The following DOK5 variants were observed in gnomAD, a reference collection of about 807,000 sequenced individuals.
DOK5 encodes the protein downstream of tyrosine kinase 5.
DOK5 carries 27 observed loss-of-function variants against 43.3 expected under a neutral mutation model. The ratio of observed to expected loss-of-function variants is 0.62; its 90% CI spans 0.46 to 0.86. The LOEUF (loss-of-function observed/expected upper bound fraction) is 0.86. DOK5 is among the 40% of genes least tolerant of loss of function. The pLI, the probability that DOK5 is intolerant of heterozygous loss-of-function variation, is 0.00. For missense variants in DOK5, 373 were observed against 392.9 expected, an observed-to-expected ratio of 0.95 and a Z score of 0.43; for synonymous variants, 146 against 140.1, an observed-to-expected ratio of 1.04 and a Z score of -0.30.
intron 5 of DOK5, among the ~76,000 whole-genome samples, chr20:54,604,440 T>C (rs1986401438): frequency 6.6e-6 from 1 of 152,160 alleles, no homozygotes; most frequent in African/African-American, 2.4e-5. Flanking sequence ...CATTTCCTTT[T>C]TTAATTGCCG....
intron 5 of DOK5, among the ~76,000 whole-genome samples, chr20:54,607,019 CAT>C (rs1568807249): frequency 1.3e-5 from 2 of 152,192 alleles, no homozygotes. Flanking sequence ...AAGTTGCTGA[CAT>C]ATAAAATTCA....
chr20:54,622,875 G>T (rs1206685398), intron 6 of DOK5, among the ~76,000 whole-genome samples: 3 of 152,068 alleles, frequency 2.0e-5, no homozygotes, highest in Non-Finnish European at 4.4e-5. Flanking sequence ...AATCAATTCA[G>T]TGCAGTTTCT....
At chr20:54,503,638 T>C (rs1288074587) in intron 1 of DOK5, among the ~76,000 whole-genome samples, 1 of 152,180 alleles carries the variant, frequency 6.6e-6, no homozygotes. Flanking sequence ...AAAAAGCCAA[T>C]ATTATTTTCC....
chr20:54,645,386 G>A (rs1272927548), intron 7 of DOK5, among the ~76,000 whole-genome samples: 1 of 128,426 alleles, frequency 7.8e-6, no homozygotes, highest in Non-Finnish European at 1.6e-5. Context: ...CTCCATGCCC[G>A]CTCTGAACCC....
intron 6 of DOK5, among the ~76,000 whole-genome samples, chr20:54,638,276 A>C (rs6023437): frequency 0.8 from 121,420 of 152,038 alleles, 49,719 homozygotes; most frequent in East Asian, 1. Context: ...ACATCAGGAG[A>C]GTATCTAAAG....
At chr20:54,529,945 G>A (rs766683996) in intron 1 of DOK5, among the ~76,000 whole-genome samples, 142 of 152,308 alleles carry the variant, frequency 9.3e-4, no homozygotes, top group Non-Finnish European at 1.0e-3. Flanking sequence ...TGTGTGGATA[G>A]ACCACATTTT....
chr20:54,491,930 G>C (rs1406933172), intron 1 of DOK5, among the ~76,000 whole-genome samples: 1 of 150,904 alleles, frequency 6.6e-6, no homozygotes, highest in East Asian at 1.9e-4. Context: ...AAAAATGAAA[G>C]AAAGAGAGAA....
chr20:54,581,817 T>A (rs756864829), intron 2 of DOK5, among the ~76,000 whole-genome samples: 9 of 151,958 alleles, frequency 5.9e-5, no homozygotes, highest in Non-Finnish European at 1.3e-4. Flanking sequence ...TTTCTACATA[T>A]AAAATTATGT....
intron 1 of DOK5, among the ~76,000 whole-genome samples, chr20:54,513,789 G>A (rs1983098753): frequency 6.6e-6 from 1 of 152,276 alleles, no homozygotes; most frequent in African/African-American, 2.4e-5. Flanking sequence ...TTATTTTTCA[G>A]GAGAAGAATT....
chr20:54,575,702 A>G (rs1427366163), intron 2 of DOK5, among the ~76,000 whole-genome samples: 6 of 152,230 alleles, frequency 3.9e-5, no homozygotes, highest in Non-Finnish European at 1.5e-5. Context: ...TGGCCTCCCA[A>G]GGTGCTGGGA....
chr20:54,505,003 A>G (rs781493360), intron 1 of DOK5, among the ~76,000 whole-genome samples: 1 of 151,990 alleles, frequency 6.6e-6, no homozygotes, highest in African/African-American at 2.4e-5. Flanking sequence ...GCTTCTATTC[A>G]TATCTGTCCC....
At chr20:54,647,655 C>A (rs1979500796) in intron 7 of DOK5, among the ~76,000 whole-genome samples, 1 of 151,414 alleles carries the variant, frequency 6.6e-6, no homozygotes, top group Admixed American at 6.6e-5. Context: ...AAATTATGTT[C>A]CTTGGAAAGC....
chr20:54,643,681 C>G (rs571064586), intron 7 of DOK5, 103 bp downstream of exon 7: 2 of 1,436,504 alleles, frequency 1.4e-6, no homozygotes, highest in South Asian at 2.8e-5. Flanking sequence ...CTGGTTAGTG[C>G]CCTTCCTCCA....
At chr20:54,581,358 CAT>C (rs1375271241) in intron 2 of DOK5, among the ~76,000 whole-genome samples, 1 of 148,490 alleles carries the variant, frequency 6.7e-6, no homozygotes, top group Non-Finnish European at 1.5e-5. Context: ...TTTGTGTTTT[CAT>C]ATGAATTTTA....
chr20:54,558,922 A>C (rs915445203), intron 2 of DOK5, among the ~76,000 whole-genome samples: 8 of 152,178 alleles, frequency 5.3e-5, no homozygotes, highest in Admixed American at 1.3e-4. Context: ...CTCGAAGTAC[A>C]CTCCTGCAAA....
chr20:54,604,563 C>T (rs995404607), intron 5 of DOK5, among the ~76,000 whole-genome samples: 1 of 152,188 alleles, frequency 6.6e-6, no homozygotes, highest in African/African-American at 2.4e-5. Flanking sequence ...TGTTTACATC[C>T]TTCACAGCGG....
intron 2 of DOK5, among the ~76,000 whole-genome samples, chr20:54,567,131 T>G (rs1328919513): frequency 6.6e-6 from 1 of 152,062 alleles, no homozygotes; most frequent in Non-Finnish European, 1.5e-5. Context: ...AGTGCATAGA[T>G]TTTTCTTTCA....
intron 2 of DOK5, among the ~76,000 whole-genome samples, chr20:54,577,981 C>CA (rs1021515985): frequency 3.3e-5 from 5 of 152,124 alleles, no homozygotes; most frequent in Non-Finnish European, 5.9e-5. Flanking sequence ...CAATCTAGGA[C>CA]AAAAAATGAA....
chr20:54,620,524 C>A (rs764288517), intron 6 of DOK5, among the ~76,000 whole-genome samples: 10 of 152,206 alleles, frequency 6.6e-5, no homozygotes, highest in South Asian at 2.1e-4. Context: ...CAGGCATGAG[C>A]CACAGCGCCT....
Sources: allele counts gnomAD v4.1 joint callset (sites outside exome capture counted in the v4.1 genomes callset), GRCh38; gene constraint gnomAD v4.1.1; transcripts MANE v1.5; gene names NCBI Gene and HGNC (gene_info 2026-07-23, HGNC 2026-07-21).